NELL1: variants seen among roughly 807,000 people sequenced by gnomAD.
The protein encoded by NELL1 is protein kinase C-binding protein NELL1.
In NELL1, 76 loss-of-function variants were observed where a neutral mutation model predicts 107.4. That is an observed-to-expected ratio of 0.71 (90% CI 0.59 to 0.86). The LOEUF (loss-of-function observed/expected upper bound fraction) is 0.86. NELL1 is among the 40% of genes least tolerant of loss of function. The pLI, the probability that NELL1 is intolerant of heterozygous loss-of-function variation, is 0.00. For missense variants in NELL1, 1,024 were observed against 1,005.5 expected, an observed-to-expected ratio of 1.02 and a Z score of -0.25; for synonymous variants, 353 against 341.2, an observed-to-expected ratio of 1.03 and a Z score of -0.38.
At chr11:20,737,382 T>C (rs1042361355) in intron 2 of NELL1, among the ~76,000 whole-genome samples, 2 of 152,104 alleles carry the variant, frequency 1.3e-5, no homozygotes, top group Non-Finnish European at 2.9e-5. Context: ...AGGGCTCCCA[T>C]TGGTCAATGT....
At chr11:21,021,760 C>A (rs1852707040) in intron 12 of NELL1, among the ~76,000 whole-genome samples, 1 of 152,044 alleles carries the variant, frequency 6.6e-6, no homozygotes, top group South Asian at 2.1e-4. Context: ...TGTTCCATTT[C>A]TCTTGAATTC....
Position 21,163,780 on chromosome 11 carries a change from G to A in NELL1, c.1426+50066G>A, listed in dbSNP as rs78962594. Among the ~76,000 whole-genome samples, 1,322 of 152,008 alleles carry A rather than the reference G, an allele frequency of 8.7e-3. 21 individuals are homozygous for A. Among genetic ancestry groups the A allele is most frequent in the African/African-American group, 0.03 (1,257 of 41,436 alleles). On this transcript the variant is annotated intron_variant, in intron 13 of 19. Transcript: ENST00000357134. Reference sequence around the variant, plus strand: ...CTGGTGTCTCTTTCTCTTCTTATAAGGGCATTAATTTCATCATGAAAGTTT... The same window carrying A: ...CTGGTGTCTCTTTCTCTTCTTATAAAGGCATTAATTTCATCATGAAAGTTT...
intron 12 of NELL1, among the ~76,000 whole-genome samples, chr11:20,963,636 C>T (rs747597160): frequency 6.6e-6 from 1 of 152,120 alleles, no homozygotes; most frequent in Admixed American, 6.6e-5. Context: ...GGTAGACAAG[C>T]TTACAGATGG....
chr11:21,363,023 G>A (rs1851121168), intron 14 of NELL1, among the ~76,000 whole-genome samples: 3 of 152,172 alleles, frequency 2.0e-5, no homozygotes, highest in Admixed American at 1.3e-4. Flanking sequence ...CTCCCGCAGT[G>A]CTCTGCTCAG....
intron 14 of NELL1, among the ~76,000 whole-genome samples, chr11:21,245,776 G>T (rs1310913088): frequency 6.6e-6 from 1 of 152,156 alleles, no homozygotes; most frequent in Non-Finnish European, 1.5e-5. Flanking sequence ...TATTTTGACT[G>T]CTTGGCACAT....
At chr11:20,920,276 C>T (rs901194907) in intron 7 of NELL1, among the ~76,000 whole-genome samples, 13 of 152,198 alleles carry the variant, frequency 8.5e-5, no homozygotes, top group African/African-American at 3.1e-4. Flanking sequence ...CCTATTGTAC[C>T]TGCAGCTAAG....
intron 15 of NELL1, among the ~76,000 whole-genome samples, chr11:21,489,765 C>T (rs565716569): frequency 6.6e-6 from 1 of 152,088 alleles, no homozygotes; most frequent in Admixed American, 6.6e-5. Context: ...GATAAAAACT[C>T]TCAACATCTA....
At chr11:21,519,611 A>G (rs1159328983) in intron 15 of NELL1, among the ~76,000 whole-genome samples, 1 of 151,868 alleles carries the variant, frequency 6.6e-6, no homozygotes, top group Non-Finnish European at 1.5e-5. Context: ...TCTAATTGAA[A>G]GTGAATGTGT....
intron 13 of NELL1, among the ~76,000 whole-genome samples, chr11:21,187,019 T>A (rs1856949186): frequency 6.6e-6 from 1 of 151,904 alleles, no homozygotes; most frequent in African/African-American, 2.4e-5. Context: ...AATAATAATA[T>A]TCCGCTTGAC....
At chr11:21,455,992 T>C (rs1424497050) in intron 15 of NELL1, among the ~76,000 whole-genome samples, 1 of 146,326 alleles carries the variant, frequency 6.8e-6, no homozygotes, top group African/African-American at 2.5e-5. Context: ...AGGTCCAGCA[T>C]TTCTCCTGTC....
intron 2 of NELL1, among the ~76,000 whole-genome samples, chr11:20,715,650 A>T (rs1423502564): frequency 6.6e-6 from 1 of 152,244 alleles, no homozygotes; most frequent in East Asian, 1.9e-4. Flanking sequence ...GTCTTTTGAC[A>T]GGTATTTTAA....
chr11:20,866,084 AG>A (rs1849089621), intron 4 of NELL1, among the ~76,000 whole-genome samples: 1 of 152,206 alleles, frequency 6.6e-6, no homozygotes, highest in Non-Finnish European at 1.5e-5. Context: ...GAAGACAAAG[AG>A]TGTACAAATG....
At chr11:21,169,116 T>A (rs1856548080) in intron 13 of NELL1, among the ~76,000 whole-genome samples, 1 of 151,870 alleles carries the variant, frequency 6.6e-6, no homozygotes, top group Admixed American at 6.5e-5. Context: ...CTGTAAATTA[T>A]ACCTTTTAAT....
chr11:21,367,916 G>A (rs1240499018), intron 14 of NELL1, among the ~76,000 whole-genome samples: 2 of 152,060 alleles, frequency 1.3e-5, no homozygotes, highest in Admixed American at 6.6e-5. Flanking sequence ...AAATAATGCT[G>A]TGCAAATTAC....
At chr11:21,072,551 G>A (rs1367374248) in intron 12 of NELL1, among the ~76,000 whole-genome samples, 2 of 152,128 alleles carry the variant, frequency 1.3e-5, no homozygotes, top group South Asian at 4.1e-4. Flanking sequence ...GAGGAATATA[G>A]CACAGTAACA....
intron 3 of NELL1, among the ~76,000 whole-genome samples, chr11:20,833,972 T>C (rs1245271009): frequency 6.6e-6 from 1 of 152,160 alleles, no homozygotes; most frequent in Non-Finnish European, 1.5e-5. Context: ...AGGCTTGAGC[T>C]CAATAGTAAT....
Position 21,516,632 on chromosome 11 carries a change from C to T in NELL1, c.1646-17742C>T, listed in dbSNP as rs76941291. Among the ~76,000 whole-genome samples, 668 of 151,968 alleles carry T rather than the reference C, an allele frequency of 4.4e-3. 5 individuals are homozygous for T. Among genetic ancestry groups the T allele is most frequent in the African/African-American group, 0.015 (629 of 41,406 alleles). On this transcript the variant is annotated intron_variant, in intron 15 of 19. Coordinates refer to ENST00000357134, the MANE Select transcript of NELL1 (RefSeq NM_006157.5). Reference sequence around the variant, plus strand: ...GCAATTGTAACATGATTGTGAGTATCTGTATATCTAAACATATCTAAAGAT... The same window carrying T: ...GCAATTGTAACATGATTGTGAGTATTTGTATATCTAAACATATCTAAAGAT...
chr11:21,159,692 T>C (rs1424451146), intron 13 of NELL1, among the ~76,000 whole-genome samples: 1 of 151,444 alleles, frequency 6.6e-6, no homozygotes, highest in Non-Finnish European at 1.5e-5. Context: ...ATATTTGTTC[T>C]CTTTGGAATC....
At chr11:21,019,521 G>A (rs12796497) in intron 12 of NELL1, among the ~76,000 whole-genome samples, 18,045 of 151,978 alleles carry the variant, frequency 0.12, 1,229 homozygotes, top group South Asian at 0.28. Flanking sequence ...GTTCTCAACT[G>A]GGGGCAATTT....
Sources: allele counts gnomAD v4.1 joint callset (sites outside exome capture counted in the v4.1 genomes callset), GRCh38; gene constraint gnomAD v4.1.1; transcripts MANE v1.5; gene names NCBI Gene and HGNC (gene_info 2026-07-23, HGNC 2026-07-21).